MYH16: variants seen among roughly 807,000 people sequenced by gnomAD.
MYH16 encodes the protein myosin heavy chain 16.
intron 29 of MYH16, 26 bp downstream of exon 10, chr7:99,288,163 C>T (rs1256103045): frequency 8.8e-6 from 4 of 454,636 alleles, no homozygotes; most frequent in South Asian, 3.1e-5. Flanking sequence ...GTGGGCCGGA[C>T]GCAGTGGCTC....
intron 1 of MYH16, among the ~76,000 whole-genome samples, chr7:99,240,725 A>G (rs1285652984): frequency 2.6e-5 from 4 of 151,920 alleles, no homozygotes; most frequent in South Asian, 2.1e-4. Context: ...CTGTACTCCC[A>G]GTTACTTAGG....
chr7:99,242,730 C>T (rs921149268), intron 1 of MYH16, among the ~76,000 whole-genome samples: 3 of 152,164 alleles, frequency 2.0e-5, no homozygotes, highest in African/African-American at 7.2e-5. Context: ...TGGTCAGTTA[C>T]AGATCAAAAT....
chr7:99,291,477 G>C (rs924028215), intron 31 of MYH16, 27 bp downstream of exon 12: 11 of 455,558 alleles, frequency 2.4e-5, no homozygotes, highest in Middle Eastern at 6.5e-4. Flanking sequence ...GGTTGCGGTG[G>C]AGACAGAGCT....
At chr7:99,289,685 T>A (rs1016073103) in intron 30 of MYH16, among the ~76,000 whole-genome samples, 2 of 152,254 alleles carry the variant, frequency 1.3e-5, no homozygotes, top group Admixed American at 6.5e-5. Context: ...CAAACATTTT[T>A]AAACATGACC....
In MYH16 at chr7:99,292,525, T is replaced by C. The variant is rs977643277; in HGVS notation, n.4149+17T>C. 8.8e-6 allele frequency: 4 copies of C among 456,812 alleles called. No homozygotes were observed. The highest frequency in any genetic ancestry group is 6.0e-5 in the African/African-American group (3 of 50,114). The allele number at this position is 456,812 out of a possible 1,614,324, so 28.3% of individuals were successfully genotyped here. ...GGAGACCAAGTGAGTGTGGTCTTCC[T>C]GTTGAGAGAGCCAGGTGGGCTGGGC... is the stretch of plus-strand genomic sequence containing the variant. On this transcript the variant is annotated intron_variant and non_coding_transcript_variant, in intron 32 of 41. Transcript: ENST00000439784.
chr7:99,296,490 G>A (rs562677868), intron 33 of MYH16, among the ~76,000 whole-genome samples: 65 of 152,174 alleles, frequency 4.3e-4, no homozygotes, highest in Non-Finnish European at 6.3e-4. Context: ...CACATCTCTC[G>A]GGGGAAGTTT....
At chr7:99,263,026 C>T (rs1791952378) in intron 13 of MYH16, among the ~76,000 whole-genome samples, 1 of 152,188 alleles carries the variant, frequency 6.6e-6, no homozygotes, top group Non-Finnish European at 1.5e-5. Context: ...GAAGGTCACA[C>T]AGCCCAGGAG....
At chr7:99,259,849 G>GTC (rs1554336603) in intron 11 of MYH16, among the ~76,000 whole-genome samples, 19 of 145,040 alleles carry the variant, frequency 1.3e-4, no homozygotes, top group African/African-American at 4.8e-4. Flanking sequence ...GTATGTATGT[G>GTC]TATATATATA....
intron 10 of MYH16, among the ~76,000 whole-genome samples, chr7:99,257,612 T>G (rs1246844388): frequency 1.3e-5 from 2 of 152,232 alleles, no homozygotes; most frequent in African/African-American, 2.4e-5. Flanking sequence ...AGACATGATT[T>G]TGGCTTTTTG....
intron 32 of MYH16, among the ~76,000 whole-genome samples, chr7:99,293,081 C>T (rs1205822985): frequency 6.6e-6 from 1 of 152,062 alleles, no homozygotes. Context: ...GGCCCATGCA[C>T]GCAGGGAAGC....
At chr7:99,264,234 C>T (rs1791966848) in intron 14 of MYH16, 4 of 152,676 alleles carry the variant, frequency 2.6e-5, no homozygotes, top group Non-Finnish European at 5.9e-5. Flanking sequence ...GTGAAACGTG[C>T]TTGTCCCTTC....
intron 22 of MYH16, among the ~76,000 whole-genome samples, chr7:99,280,450 C>A (rs769944256): frequency 6.6e-6 from 1 of 152,242 alleles, no homozygotes; most frequent in Non-Finnish European, 1.5e-5. Context: ...CTGGGGGAAG[C>A]CCTGGCTCCT....
chr7:99,299,928 TTTA>T (rs1792564018), intron 37 of MYH16, among the ~76,000 whole-genome samples: 1 of 28,266 alleles, frequency 3.5e-5, no homozygotes, highest in African/African-American at 1.6e-4. Context: ...TTTATTTTAT[TTTA>T]TTTATTTATT....
At chr7:99,289,390 G>A in exon 30 of MYH16, 1 of 440,918 alleles carries the variant, frequency 2.3e-6, no homozygotes, top group Non-Finnish European at 4.6e-6. Flanking sequence ...AATGCCATCA[G>A]GACCCGCCTC....
At chr7:99,287,652 T>C (rs900740775) in intron 28 of MYH16, among the ~76,000 whole-genome samples, 6 of 151,338 alleles carry the variant, frequency 4.0e-5, no homozygotes, top group African/African-American at 1.2e-4. Context: ...GTCCCATTCA[T>C]AGGTACCCAG....
At chr7:99,269,367 T>C (rs780565023) in intron 18 of MYH16, among the ~76,000 whole-genome samples, 6 of 151,520 alleles carry the variant, frequency 4.0e-5, no homozygotes, top group Non-Finnish European at 8.8e-5. Flanking sequence ...CTTCAAACTG[T>C]TGGGCTCAAG....
At chr7:99,246,534 T>C (rs1216318811) in intron 2 of MYH16, among the ~76,000 whole-genome samples, 1 of 152,080 alleles carries the variant, frequency 6.6e-6, no homozygotes, top group Non-Finnish European at 1.5e-5. Flanking sequence ...AAACCCCATC[T>C]CTACTAAAAA....
chr7:99,306,281 C>T (rs1255865851), intron 41 of MYH16, among the ~76,000 whole-genome samples: 3 of 152,118 alleles, frequency 2.0e-5, no homozygotes, highest in Non-Finnish European at 4.4e-5. Context: ...GTAATCCCAG[C>T]ACTTTGGGAG....
At chr7:99,291,969 G>A (rs1332898976) in intron 31 of MYH16, among the ~76,000 whole-genome samples, 1 of 152,102 alleles carries the variant, frequency 6.6e-6, no homozygotes, top group Non-Finnish European at 1.5e-5. Context: ...TTCCAGGTAT[G>A]GTGTTGTATA....
Sources: allele counts gnomAD v4.1 joint callset (sites outside exome capture counted in the v4.1 genomes callset), GRCh38; gene constraint gnomAD v4.1.1; transcripts MANE v1.5; gene names NCBI Gene and HGNC (gene_info 2026-07-23, HGNC 2026-07-21).